RPTOR: variants seen among roughly 807,000 people sequenced by gnomAD.
RPTOR encodes regulatory-associated protein of mTOR.
A neutral mutation model predicts 169.9 loss-of-function variants in RPTOR; 21 were observed. That is an observed-to-expected ratio of 0.12 (90% CI 0.09 to 0.18). The LOEUF (loss-of-function observed/expected upper bound fraction) is 0.18. Among genes scored for constraint, RPTOR ranks in the 10% least tolerant of loss-of-function variants. The pLI is 1.00. For synonymous variants in RPTOR, 732 were observed against 753.2 expected (o/e 0.97, Z 0.46); for missense variants, 1,133 against 1,855.9 (o/e 0.61, Z 7.16).
rs1324010863 is a variant in RPTOR at position 80,964,776 on chromosome 17, G to C, written c.*446G>C. 1 of 246,700 alleles carries C rather than the reference G, an allele frequency of 4.1e-6. No homozygotes were observed. The highest frequency in any genetic ancestry group is 5.8e-5 in the East Asian group (1 of 17,324). 15.3% of individuals were successfully genotyped at this position (246,700 alleles called of 1,614,324 possible). On this transcript the variant is annotated 3_prime_UTR_variant, in exon 34 of 34. Transcript: ENST00000306801. ...CAGCTGTCCCCATCAGGCCAAGAGC[G>C]AGCGAGAGGCGCTGCCCCAGCCAGG...
chr17:80,662,029 A>C (rs1457770153), intron 3 of RPTOR, among the ~76,000 whole-genome samples: 1 of 152,128 alleles, frequency 6.6e-6, no homozygotes, highest in Non-Finnish European at 1.5e-5. Context: ...CTTTCTAAAA[A>C]CTTTTTTCCA....
intron 6 of RPTOR, among the ~76,000 whole-genome samples, chr17:80,780,784 G>GCCTCACT (rs1274165490): frequency 1.3e-5 from 2 of 152,090 alleles, no homozygotes; most frequent in Admixed American, 6.5e-5. Context: ...CCCCCGGGGG[G>GCCTCACT]CCTCACTCAC....
chr17:80,655,286 A>ATG (rs1197105431), intron 3 of RPTOR, among the ~76,000 whole-genome samples: 3 of 152,174 alleles, frequency 2.0e-5, no homozygotes, highest in Non-Finnish European at 4.4e-5. Flanking sequence ...GGGTTTCACT[A>ATG]TGTTGGCCAG....
intron 9 of RPTOR, among the ~76,000 whole-genome samples, chr17:80,827,521 A>T (rs550995915): frequency 5.6e-4 from 86 of 152,250 alleles, no homozygotes; most frequent in Admixed American, 3.6e-3. Context: ...CTAGTGCCAC[A>T]CACAGTCACA....
chr17:80,757,406 C>T (rs2066691508), intron 6 of RPTOR, among the ~76,000 whole-genome samples: 4 of 152,122 alleles, frequency 2.6e-5, no homozygotes, highest in African/African-American at 4.8e-5. Flanking sequence ...TCTGTAATGT[C>T]GAAGTCCTTT....
intron 13 of RPTOR, among the ~76,000 whole-genome samples, chr17:80,865,657 A>G (rs180830230): frequency 6.6e-6 from 1 of 152,260 alleles, no homozygotes; most frequent in Non-Finnish European, 1.5e-5. Flanking sequence ...AAATACATCC[A>G]ACAAAACTGA....
At chr17:80,856,683 C>T (rs866282542) in intron 12 of RPTOR, among the ~76,000 whole-genome samples, 8 of 152,102 alleles carry the variant, frequency 5.3e-5, no homozygotes, top group Admixed American at 4.6e-4. Context: ...GTGGTGGTGT[C>T]GCTTAGTCAT....
intron 2 of RPTOR, among the ~76,000 whole-genome samples, chr17:80,637,615 G>A (rs1453451829): frequency 6.6e-6 from 1 of 152,208 alleles, no homozygotes; most frequent in East Asian, 1.9e-4. Flanking sequence ...CCCCACTCTT[G>A]GGGAACTCTG....
chr17:80,858,277 C>T (rs2067878188), intron 13 of RPTOR, among the ~76,000 whole-genome samples: 1 of 152,232 alleles, frequency 6.6e-6, no homozygotes, highest in South Asian at 2.1e-4. Flanking sequence ...TAAACTTGGC[C>T]TCTGCCTCGC....
chr17:80,673,497 G>A (rs1204730363), intron 3 of RPTOR, among the ~76,000 whole-genome samples: 3 of 152,176 alleles, frequency 2.0e-5, no homozygotes, highest in African/African-American at 4.8e-5. Flanking sequence ...TCAAACACTC[G>A]TAACAAGCAG....
intron 28 of RPTOR, among the ~76,000 whole-genome samples, chr17:80,951,348 C>T (rs1423803311): frequency 2.0e-5 from 3 of 152,252 alleles, no homozygotes; most frequent in Non-Finnish European, 2.9e-5. Context: ...CAGGAAGCAG[C>T]ACTGACGAGA....
chr17:80,958,299 C>A (rs2069283181), intron 29 of RPTOR, among the ~76,000 whole-genome samples: 1 of 151,468 alleles, frequency 6.6e-6, no homozygotes, highest in Non-Finnish European at 1.5e-5. Context: ...CAGTATTTGC[C>A]CAAGCTGGTC....
intron 3 of RPTOR, among the ~76,000 whole-genome samples, chr17:80,680,998 C>T (rs1375478585): frequency 2.6e-5 from 4 of 151,998 alleles, no homozygotes; most frequent in Non-Finnish European, 4.4e-5. Context: ...AGAGGGAGCC[C>T]GTGAGGCTCA....
intron 13 of RPTOR, among the ~76,000 whole-genome samples, chr17:80,864,386 C>T (rs2067962004): frequency 6.9e-6 from 1 of 145,054 alleles, no homozygotes; most frequent in Admixed American, 7.0e-5. Context: ...TGGCAAGTTT[C>T]TTCTCACAGA....
intron 1 of RPTOR, among the ~76,000 whole-genome samples, chr17:80,573,968 G>T (rs2064933968): frequency 1.3e-5 from 2 of 152,222 alleles, no homozygotes; most frequent in African/African-American, 4.8e-5. Flanking sequence ...ACATGCCTGG[G>T]TCGGGGGAAG....
chr17:80,881,824 C>T (rs937328147), intron 14 of RPTOR, among the ~76,000 whole-genome samples: 15 of 152,150 alleles, frequency 9.9e-5, no homozygotes, highest in African/African-American at 3.6e-4. Flanking sequence ...CCCGTCTCCA[C>T]TCAATAAATA....
chr17:80,713,208 AC>A (rs1243796126), intron 4 of RPTOR, among the ~76,000 whole-genome samples: 1 of 152,138 alleles, frequency 6.6e-6, no homozygotes, highest in African/African-American at 2.4e-5. Flanking sequence ...AGCAGGGATT[AC>A]AGGCACCCGC....
chr17:80,663,137 G>A (rs750322816), intron 3 of RPTOR, among the ~76,000 whole-genome samples: 2 of 152,138 alleles, frequency 1.3e-5, no homozygotes, highest in African/African-American at 2.4e-5. Flanking sequence ...TCGTCCGGGC[G>A]GCAGCTCATT....
At chr17:80,826,390 T>A (rs2067443521) in intron 9 of RPTOR, among the ~76,000 whole-genome samples, 1 of 152,182 alleles carries the variant, frequency 6.6e-6, no homozygotes, top group Non-Finnish European at 1.5e-5. Context: ...CGGCCGGCTG[T>A]GCAGAGCTCG....
Sources: allele counts gnomAD v4.1 joint callset (sites outside exome capture counted in the v4.1 genomes callset), GRCh38; gene constraint gnomAD v4.1.1; transcripts MANE v1.5; gene names NCBI Gene and HGNC (gene_info 2026-07-23, HGNC 2026-07-21).